The following PPM1J variants were observed in gnomAD, a reference collection of about 807,000 sequenced individuals.
PPM1J encodes the protein protein phosphatase, Mg2+/Mn2+ dependent 1J, also known as protein phosphatase 1J.
A neutral mutation model predicts 53.3 loss-of-function variants in PPM1J; 43 were observed. That is an observed-to-expected ratio of 0.81 (90% CI 0.63 to 1.04). PPM1J has a LOEUF of 1.04. Among genes scored for constraint, PPM1J ranks in the 50% least tolerant of loss-of-function variants. The pLI is 0.00. For missense variants in PPM1J, 635 were observed against 685.9 expected (o/e 0.93, Z 0.83); for synonymous variants, 267 against 286.4 (o/e 0.93, Z 0.68).
At position 112,715,140 on chromosome 1, in the gene PPM1J, G is replaced by C; in HGVS notation, c.162C>G (p.Ser54Arg). 6.5e-7 allele frequency: 1 copy of C among 1,547,142 alleles called. No individual in the cohort carries two copies. The highest frequency in any genetic ancestry group is 2.6e-5 in the East Asian group (1 of 38,436). The change falls in exon 1 of 10, where the codon AGC (serine) becomes AGG (arginine). Residue 54 changes from serine to arginine, a missense_variant. Coordinates refer to ENST00000309276, the MANE Select transcript of PPM1J (RefSeq NM_005167.7). This position sits in a 1 kb window ranked among gnomAD's most constrained non-coding sequence, Gnocchi z 4.4. ...CCTCAACAGCCTTCGCGGGCGTCGC[G>C]CTCCCGCTCCCAGCCTTCGCGGGAG... Reference protein sequence around the residue: ...RSPPAKAGSGSATPAKAVEAR... With the variant: ...RSPPAKAGSGRATPAKAVEAR...
chr1:112,711,270 C>T lies in PPM1J; in HGVS notation c.1042G>A (p.Gly348Ser), dbSNP rs760545829. The change falls in exon 6 of 10, where the codon GGC (glycine) becomes AGC (serine). Residue 348 changes from glycine (G) to serine (S), a missense_variant. By Grantham distance (56) the Gly-to-Ser change is moderately conservative (BLOSUM62 0). Transcript: ENST00000309276. ...RMLYRDQNMT[G>S]WAYKKIELED... The stretch of plus-strand genomic sequence containing the variant: ...CAGCTCTGAGGGAAGTGTTACCAGC[C>T]GGTCATGTTCTGGTCCCGGTACAAC... 1.7e-5 allele frequency: 28 copies of T among 1,605,668 alleles called. 3 individuals are homozygous for T. In the South Asian group the frequency reaches 1.9e-4, roughly 11 times the overall value.
chr1:112,714,825 G>A (rs1411356095), intron 1 of PPM1J, 151 bp downstream of exon 1: 24 of 1,281,018 alleles, frequency 1.9e-5, no homozygotes, highest in Non-Finnish European at 2.1e-5. Context: ...GAGGGGGTGC[G>A]GCCCGAAGAC....
At chr1:112,711,462 A>T (rs1455774419) in intron 5 of PPM1J, 78 bp from the exon 6 acceptor site, 2 of 777,374 alleles carry the variant, frequency 2.6e-6, no homozygotes, top group Admixed American at 4.6e-5. Context: ...GATGACGTTG[A>T]CTACAGCAGA....
chr1:112,712,714 G>A (rs1675094369), intron 3 of PPM1J, 30 bp downstream of exon 3: 1 of 1,579,962 alleles, frequency 6.3e-7, no homozygotes, highest in Admixed American at 1.7e-5. Flanking sequence ...TGGTTGCCTA[G>A]CAGGCTCTTG....
intron 2 of PPM1J, among the ~76,000 whole-genome samples, chr1:112,713,237 C>T (rs1355959822): frequency 6.6e-6 from 1 of 152,176 alleles, no homozygotes; most frequent in Admixed American, 6.5e-5. Context: ...AACCCAAACT[C>T]AGAGGATAAC....
At position 112,711,431 on chromosome 1, in the gene PPM1J, C is replaced by A. The variant is rs547768550; in HGVS notation, c.928-47G>T. ...ACAGAGAGCCAGGGGGCATTATGCTCACAGCACACGGTGGCACACAGATGA... is the reference window on the plus strand; with the variant it reads ...ACAGAGAGCCAGGGGGCATTATGCTAACAGCACACGGTGGCACACAGATGA... On this transcript the variant is annotated intron_variant, in intron 5 of 9. Coordinates refer to ENST00000309276, the MANE Select transcript of PPM1J (RefSeq NM_005167.7). The A allele has an allele frequency of 3.9e-5, 46 of 1,167,810 alleles. No individual in the cohort carries two copies. The East Asian group carries it at 8.7e-4, about 22-fold the overall frequency. 72.3% of individuals were successfully genotyped at this position (1,167,810 alleles called of 1,614,324 possible).
At chr1:112,712,187 C>G in intron 4 of PPM1J, 132 bp from the exon 5 acceptor site, 1 of 938,246 alleles carries the variant, frequency 1.1e-6, no homozygotes, top group Non-Finnish European at 1.6e-6. Flanking sequence ...CTGCCCCTGA[C>G]CCCACCCAAT....
rs775222940 is a variant in PPM1J at position 112,712,988 on chromosome 1, C to G, written c.485G>C (p.Gly162Ala). 3.9e-5 allele frequency: 63 copies of G among 1,611,766 alleles called. No individual in the cohort carries two copies. The highest frequency in any genetic ancestry group is 8.5e-7 in the Non-Finnish European group (1 of 1,178,892). Residue 162 changes from glycine to alanine, a missense_variant, in exon 3 of 10, where the codon GGG (glycine) becomes GCG (alanine). Transcript: ENST00000309276. ...YYWGLFDGHA[G>A]GGAAEMASRL... Reference sequence around the variant, plus strand: ...TGAGGCCATTTCAGCAGCTCCGCCCCCTGCATGCCCATCAAATAGGCCCCA... The same window carrying G: ...TGAGGCCATTTCAGCAGCTCCGCCCGCTGCATGCCCATCAAATAGGCCCCA...
At position 112,712,874 on chromosome 1, in the gene PPM1J, G is replaced by A. The variant is rs1355109161; in HGVS notation, c.599C>T (p.Thr200Ile). Residue 200 changes from threonine to isoleucine, a missense_variant, in exon 3 of 10, where the codon ACC becomes ATC. Coordinates refer to ENST00000309276, the MANE Select transcript of PPM1J (RefSeq NM_005167.7). Reference sequence around the variant, plus strand: ...GGAGGAATCTGGGGTCCCCGGAGTGGTTGGGAGGCAGAGGGGTGGTGGCGA... The same window carrying A: ...GGAGGAATCTGGGGTCCCCGGAGTGATTGGGAGGCAGAGGGGTGGTGGCGA... ...DPSPPPLCLP[T>I]TPGTPDSSDP... The A allele has an allele frequency of 6.2e-7, 1 of 1,613,998 alleles. No individual in the cohort carries two copies. Among genetic ancestry groups the A allele is most frequent in the Admixed American group, 1.7e-5 (1 of 60,022 alleles).
At chr1:112,713,092 GTGT>G in intron 2 of PPM1J, 61 bp from the exon 3 acceptor site, 4 of 1,397,288 alleles carry the variant, frequency 2.9e-6, no homozygotes, top group Admixed American at 4.2e-5. Context: ...GTGTGTGTGT[GTGT>G]GTTATGCAAG....
chr1:112,712,416 C>CT lies in PPM1J; in HGVS notation c.770dup (p.Cys260LeufsTer21), dbSNP rs1200968801. 6.2e-7 allele frequency: 1 copy of CT among 1,614,094 alleles called. No homozygotes were observed. The highest frequency in any genetic ancestry group is 2.2e-5 in the East Asian group (1 of 44,866). On this transcript the variant is annotated frameshift_variant, in exon 4 of 10. Transcript: ENST00000309276. LOFTEE classifies it high-confidence loss of function. The stretch of plus-strand genomic sequence containing the variant: ...TCACAACCAGTGCACAGCAGCCCCC[C>CT]TCCACTTGGTGGCCACGCCGCTCCC...
intron 3 of PPM1J, 83 bp downstream of exon 3, chr1:112,712,661 C>T (rs1480371181): frequency 1.4e-6 from 2 of 1,428,226 alleles, no homozygotes; most frequent in Non-Finnish European, 1.9e-6. Flanking sequence ...GTTGTGGGTT[C>T]TCAGGGTAAC....
chr1:112,712,276 C>T (rs937374981), intron 4 of PPM1J, 69 bp downstream of exon 4: 10 of 1,277,352 alleles, frequency 7.8e-6, no homozygotes, highest in Non-Finnish European at 1.1e-5. Context: ...TGCCACCTTA[C>T]TCTCCTGTAT....
At chr1:112,714,659 G>A (rs1170243754) in intron 1 of PPM1J, 8 of 1,190,108 alleles carry the variant, frequency 6.7e-6, no homozygotes, top group East Asian at 7.2e-5. Context: ...GCCGGGCCGC[G>A]ACGGGGAACT....
At chr1:112,711,573 G>A in intron 5 of PPM1J, 189 bp from the exon 6 acceptor site, 7 of 584,344 alleles carry the variant, frequency 1.2e-5, no homozygotes, top group Admixed American at 3.1e-5. Flanking sequence ...AACTATTGAT[G>A]CACAGAGAGG....
chr1:112,711,502 C>T (rs1348052084), intron 5 of PPM1J, 118 bp from the exon 6 acceptor site: 6 of 637,096 alleles, frequency 9.4e-6, no homozygotes, highest in African/African-American at 3.7e-5. Flanking sequence ...ATGTGCCACA[C>T]GTTATTCTAA....
chr1:112,715,204 G>T lies in PPM1J; in HGVS notation c.98C>A (p.Ser33Ter). 1 of 1,456,250 alleles carries T rather than the reference G, an allele frequency of 6.9e-7. No individual in the cohort carries two copies. Among genetic ancestry groups the T allele is most frequent in the African/African-American group, 1.5e-5 (1 of 68,078 alleles). 90.2% of individuals were successfully genotyped at this position (1,456,250 alleles called of 1,614,324 possible). A position where few individuals can be genotyped will look rare whatever the true frequency, so the allele number is the denominator to read the frequency against. The change falls in exon 1 of 10, where the codon TCG becomes TAG. Residue 33 changes from serine to a stop codon, truncating the protein, a stop_gained. Transcript: ENST00000309276. LOFTEE classifies it high-confidence loss of function. This position sits in a 1 kb window ranked among gnomAD's most constrained non-coding sequence, Gnocchi z 4.4. ...TTCTGGAGCGGCGGCGGGCGGCGCCGAGGCGGCGTTGGGCAGGTCCGGGGA... is the reference window on the plus strand; with the variant it reads ...TTCTGGAGCGGCGGCGGGCGGCGCCTAGGCGGCGTTGGGCAGGTCCGGGGA... Reference protein sequence around the residue: ...PKSPDLPNAASAPPAAAPEAP... With the variant: ...PKSPDLPNAA
chr1:112,712,517 C>T, intron 3 of PPM1J, 60 bp from the exon 4 acceptor site: 1 of 1,433,546 alleles, frequency 7.0e-7, no homozygotes, highest in Non-Finnish European at 9.7e-7. Context: ...CACAGTCACC[C>T]TCCCCCTACC....
At chr1:112,712,311 C>CT in intron 4 of PPM1J, 34 bp downstream of exon 4, 1 of 1,498,798 alleles carries the variant, frequency 6.7e-7, no homozygotes, top group South Asian at 1.2e-5. Context: ...GAGTGTGGCC[C>CT]TCTGTCGCCA....
Sources: gnomAD v4.1 joint callset for allele counts (sites outside exome capture counted in the v4.1 genomes callset) on GRCh38, gnomAD v4.1.1 for gene constraint, Gnocchi (gnomAD v3.1) non-coding constraint, MANE v1.5 for transcripts, NCBI Gene and HGNC (gene_info 2026-07-23, HGNC 2026-07-21) for gene names.